The following ATXN10 variants were observed in gnomAD, a reference collection of about 807,000 sequenced individuals.
The protein encoded by ATXN10 is ataxin-10.
Under a neutral mutation model 52.9 loss-of-function variants are expected in ATXN10, and 28 were observed. That is an observed-to-expected ratio of 0.53 (90% confidence interval 0.39 to 0.73). ATXN10 has a LOEUF of 0.73. Ranked by LOEUF, ATXN10 falls within the 30% of genes least tolerant of loss-of-function variation. ATXN10 has a pLI of 0.00. For missense variants in ATXN10, 565 were observed against 577.0 expected (o/e 0.98, Z 0.21); for synonymous variants, 226 against 221.5 (o/e 1.02, Z -0.18).
chr22:45,755,503 C>A (rs1371539774), intron 9 of ATXN10, among the ~76,000 whole-genome samples: 1 of 152,160 alleles, frequency 6.6e-6, no homozygotes, highest in Non-Finnish European at 1.5e-5. Context: ...CTTTCCCCTT[C>A]CCTCCTCCTG....
chr22:45,692,140 A>G (rs1326320339), intron 2 of ATXN10, among the ~76,000 whole-genome samples: 1 of 152,262 alleles, frequency 6.6e-6, no homozygotes, highest in Non-Finnish European at 1.5e-5. Context: ...CCTCTGCCTC[A>G]GGAATGAATG....
intron 1 of ATXN10, among the ~76,000 whole-genome samples, chr22:45,687,190 T>A (rs1477774446): frequency 1.3e-5 from 2 of 152,214 alleles, no homozygotes; most frequent in African/African-American, 4.8e-5. Context: ...CAAATTACCA[T>A]GTAGCATTGG....
At chr22:45,792,518 A>G (rs2146866550) in intron 9 of ATXN10, 1 of 155,332 alleles carries the variant, frequency 6.4e-6, no homozygotes, top group South Asian at 2.0e-4. Flanking sequence ...CCCCCAAGAA[A>G]TGTCCCCTTT....
chr22:45,718,503 C>G lies in ATXN10; in HGVS notation c.728+10C>G, dbSNP rs1415565159. On this transcript the variant is annotated intron_variant, in intron 6 of 11. Coordinates refer to ENST00000252934, the MANE Select transcript of ATXN10 (RefSeq NM_013236.4). The surrounding 1 kb of genome is among the most constrained non-coding windows in gnomAD (Gnocchi z 4.4). ...TGAACAATCAAGAAAGGTAACCCCC[C>G]AACCAGCGTGGTCTGGAGTATTTAG... is the stretch of plus-strand genomic sequence containing the variant. 1.2e-6 allele frequency: 2 copies of G among 1,610,754 alleles called. No homozygotes were observed. Among genetic ancestry groups the G allele is most frequent in the African/African-American group, 2.7e-5 (2 of 74,832 alleles).
At position 45,671,920 on chromosome 22, in the gene ATXN10, A is replaced by C; in HGVS notation, c.-144A>C. The C allele has an allele frequency of 1.2e-6, 1 of 851,316 alleles. No individual in the cohort carries two copies. Among genetic ancestry groups the C allele is most frequent in the Non-Finnish European group, 1.7e-6 (1 of 574,858 alleles). 52.7% of individuals were successfully genotyped at this position (851,316 alleles called of 1,614,324 possible). ...GCAGCTTCAGGGCAGCGCGGGCTGCAGCGGCGGCGGCGGTTAGGGCTGTGT... is the reference window on the plus strand; with the variant it reads ...GCAGCTTCAGGGCAGCGCGGGCTGCCGCGGCGGCGGCGGTTAGGGCTGTGT... On this transcript the variant is annotated 5_prime_UTR_variant, in exon 1 of 12. Transcript: ENST00000252934.
chr22:45,724,936 T>A (rs1924808663), intron 6 of ATXN10, among the ~76,000 whole-genome samples: 1 of 152,180 alleles, frequency 6.6e-6, no homozygotes, highest in South Asian at 2.1e-4. Context: ...TATGTTTTTG[T>A]ATGCTTTTAT....
rs759449764 is a variant in ATXN10, at chr22:45,715,603, C to T, written c.648-2810C>T. Reference sequence around the variant, plus strand: ...TCTGTGCCCCAAGACAATTCTTCTTCCAGTGTGGCCCAGGGAAGCCAAAAG... The same window carrying T: ...TCTGTGCCCCAAGACAATTCTTCTTTCAGTGTGGCCCAGGGAAGCCAAAAG... On this transcript the variant is annotated intron_variant, in intron 5 of 11. Transcript: ENST00000252934. This position sits in a 1 kb window ranked among gnomAD's most constrained non-coding sequence, Gnocchi z 4.4. 6.6e-6 allele frequency among the ~76,000 whole-genome samples: 1 copy of T among 152,162 alleles called. No homozygotes were observed. Among genetic ancestry groups the T allele is most frequent in the South Asian group, 2.1e-4 (1 of 4,818 alleles).
chr22:45,741,389 A>G (rs920048666), intron 9 of ATXN10, among the ~76,000 whole-genome samples: 4 of 152,146 alleles, frequency 2.6e-5, no homozygotes, highest in African/African-American at 7.2e-5. Context: ...AGCTGATTCT[A>G]TTTCTGGCTT....
chr22:45,724,409 C>T (rs1361441851), intron 6 of ATXN10, among the ~76,000 whole-genome samples: 1 of 152,062 alleles, frequency 6.6e-6, no homozygotes, highest in African/African-American at 2.4e-5. Flanking sequence ...TTTGCATTTC[C>T]CTGATGACTA....
rs894047138 is a variant in ATXN10 at position 45,787,067 on chromosome 22, A to G, written c.1174-19892A>G. On this transcript the variant is annotated intron_variant, in intron 9 of 11. Coordinates refer to ENST00000252934, the MANE Select transcript of ATXN10 (RefSeq NM_013236.4). This position sits in a 1 kb window ranked among gnomAD's most constrained non-coding sequence, Gnocchi z 4.2. ...TTATAGTGACTGAATAGAATATACT[A>G]TTAGAAAATCACATTTTCAAATAAT... 6.6e-6 allele frequency among the ~76,000 whole-genome samples: 1 copy of G among 152,262 alleles called. No homozygotes were observed. The highest frequency in any genetic ancestry group is 1.5e-5 in the Non-Finnish European group (1 of 68,042).
chr22:45,794,134 A>T (rs916553996), intron 9 of ATXN10, among the ~76,000 whole-genome samples: 4 of 152,218 alleles, frequency 2.6e-5, no homozygotes, highest in African/African-American at 9.7e-5. Context: ...AACTGACATG[A>T]CATATTGGTG....
At chr22:45,742,259 A>G (rs1455187224) in intron 9 of ATXN10, among the ~76,000 whole-genome samples, 1 of 152,188 alleles carries the variant, frequency 6.6e-6, no homozygotes, top group East Asian at 1.9e-4. Context: ...GTATCCTGTA[A>G]TGTCCAGGAT....
At chr22:45,800,522 GA>G (rs136010) in intron 9 of ATXN10, among the ~76,000 whole-genome samples, 132,923 of 152,244 alleles carry the variant, frequency 0.87, 58,334 homozygotes, top group African/African-American at 0.96. Flanking sequence ...AACTACTTTG[GA>G]AAAATACTGT....
chr22:45,774,910 A>T lies in ATXN10; in HGVS notation c.1174-32049A>T, dbSNP rs1431115083. On this transcript the variant is annotated intron_variant, in intron 9 of 11. Transcript: ENST00000252934. The surrounding 1 kb of genome is among the most constrained non-coding windows in gnomAD (Gnocchi z 6.2). ...AGCCAAGATCACGCCAGTGCACGCC[A>T]GCCTGGGTGACAGAGTGAGACTCTG... Among the ~76,000 whole-genome samples the T allele has an allele frequency of 6.6e-6, 1 of 152,222 alleles. No homozygotes were observed. Among genetic ancestry groups the T allele is most frequent in the East Asian group, 1.9e-4 (1 of 5,200 alleles).
chr22:45,812,559 G>A (rs1223296120), intron 10 of ATXN10, among the ~76,000 whole-genome samples: 1 of 152,152 alleles, frequency 6.6e-6, no homozygotes, highest in African/African-American at 2.4e-5. Context: ...TTCTTGGTTT[G>A]TCAGTCATAT....
rs189456234 is a variant in ATXN10 at position 45,705,190 on chromosome 22, A to G, written c.647+2343A>G. 1.3e-3 allele frequency among the ~76,000 whole-genome samples: 196 copies of G among 152,192 alleles called. 1 individual carries two copies. The highest frequency in any genetic ancestry group is 4.6e-3 in the African/African-American group (191 of 41,526). On this transcript the variant is annotated intron_variant, in intron 5 of 11. Transcript: ENST00000252934. The surrounding 1 kb of genome is among the most constrained non-coding windows in gnomAD (Gnocchi z 5.2). Reference sequence around the variant, plus strand: ...TTTTGTTGGGGATTTTTGAATCTATATTCATAAGGCATATTGGTTTGTAGC... The same window carrying G: ...TTTTGTTGGGGATTTTTGAATCTATGTTCATAAGGCATATTGGTTTGTAGC...
rs1171532001 is a variant in ATXN10 at position 45,795,176 on chromosome 22, G to C, written c.1174-11783G>C. On this transcript the variant is annotated intron_variant, in intron 9 of 11. Transcript: ENST00000252934. The surrounding 1 kb of genome is among the most constrained non-coding windows in gnomAD (Gnocchi z 4.6). ...AAAGAGAGAGACAGTTAACAAGCCA[G>C]TATTGGAGAAATAAGTGGAATATTT... Among the ~76,000 whole-genome samples, 3 of 152,096 alleles carry C rather than the reference G, an allele frequency of 2.0e-5. No homozygotes were observed. Among genetic ancestry groups the C allele is most frequent in the Non-Finnish European group, 4.4e-5 (3 of 68,016 alleles).
Position 45,689,786 on chromosome 22 carries a change from C to G in ATXN10, c.191C>G (p.Ala64Gly), listed in dbSNP as rs765797372. 6.2e-7 allele frequency: 1 copy of G among 1,614,018 alleles called. No individual in the cohort carries two copies. Among genetic ancestry groups the G allele is most frequent in the African/African-American group, 1.3e-5 (1 of 74,914 alleles). ...LKKSSHAVEL[A>G]CRDPSQVENL... ...AAATCTTCTCATGCTGTTGAGCTTGCCTGCAGAGATCCATCCCAAGTGGAA... is the reference window on the plus strand; with the variant it reads ...AAATCTTCTCATGCTGTTGAGCTTGGCTGCAGAGATCCATCCCAAGTGGAA... Residue 64 changes from alanine (A) to glycine (G), a missense_variant, in exon 2 of 12, where the codon GCC becomes GGC. Transcript: ENST00000252934.
In ATXN10 at chr22:45,826,746, GAGT is replaced by G. The variant is rs1928827622; in HGVS notation, c.1238-16244_1238-16242del. Among the ~76,000 whole-genome samples the G allele has an allele frequency of 1.3e-5, 2 of 152,210 alleles. No individual in the cohort carries two copies. Among genetic ancestry groups the G allele is most frequent in the African/African-American group, 2.4e-5 (1 of 41,450 alleles). On this transcript the variant is annotated intron_variant, in intron 10 of 11. Coordinates refer to ENST00000252934, the MANE Select transcript of ATXN10 (RefSeq NM_013236.4). This position sits in a 1 kb window ranked among gnomAD's most constrained non-coding sequence, Gnocchi z 5.0. ...ATTCACAGACGAACAAAAGCTGATG[GAGT>G]TTGTTACCACTAGACCTGCCTTGTA...
Sources: allele counts gnomAD v4.1 joint callset (sites outside exome capture counted in the v4.1 genomes callset), GRCh38; gene constraint gnomAD v4.1.1; non-coding constraint Gnocchi (gnomAD v3.1); transcripts MANE v1.5; gene names NCBI Gene and HGNC (gene_info 2026-07-23, HGNC 2026-07-21).